Variants in ITGAD observed in about 807,000 individuals in gnomAD.
ITGAD encodes integrin subunit alpha D, also known as integrin alpha-D.
A neutral mutation model predicts 139.0 loss-of-function variants in ITGAD; 105 were observed. That is an observed-to-expected ratio of 0.76 (90% CI 0.65 to 0.89). ITGAD has a LOEUF of 0.89. Among genes scored for constraint, ITGAD ranks in the 40% least tolerant of loss-of-function variants. The pLI is 0.00. For missense variants in ITGAD, 1,384 were observed against 1,487.3 expected (o/e 0.93, Z 1.14); for synonymous variants, 569 against 598.3 (o/e 0.95, Z 0.71).
chr16:31,407,878 T>G lies in ITGAD; in HGVS notation c.971T>G (p.Ile324Ser). Residue 324 changes from isoleucine (I) to serine (S), a missense_variant, in exon 9 of 30, where the codon ATC (isoleucine) becomes AGC (serine). Ile to Ser is a moderately radical substitution (Grantham distance 142). Coordinates refer to ENST00000389202, the MANE Select transcript of ITGAD (RefSeq NM_005353.3). ...KVDNFAALGS[I>S]QKQLQEKIYA... Reference sequence around the variant, plus strand: ...GACAACTTTGCAGCCCTTGGCAGCATCCAGAAGCAGCTGCAGGAGAAGATC... The same window carrying G: ...GACAACTTTGCAGCCCTTGGCAGCAGCCAGAAGCAGCTGCAGGAGAAGATC... 6.3e-7 allele frequency: 1 copy of G among 1,598,752 alleles called. No individual in the cohort carries two copies. The highest frequency in any genetic ancestry group is 1.3e-5 in the African/African-American group (1 of 74,716).
At chr16:31,411,846 C>T (rs1038942724) in intron 14 of ITGAD, among the ~76,000 whole-genome samples, 3 of 152,224 alleles carry the variant, frequency 2.0e-5, no homozygotes, top group African/African-American at 7.2e-5. Flanking sequence ...ATAAAACCAA[C>T]TCCTTAGGCC....
intron 6 of ITGAD, chr16:31,402,615 G>GT: frequency 5.5e-6 from 1 of 181,196 alleles, no homozygotes; most frequent in Non-Finnish European, 1.2e-5. Flanking sequence ...CCACTGTTTT[G>GT]TTTTTTAAAC....
chr16:31,402,074 C>G, intron 5 of ITGAD, 41 bp from the exon 6 acceptor site: 1 of 1,598,886 alleles, frequency 6.3e-7, no homozygotes. Flanking sequence ...GGGGGTTGGG[C>G]CCCCGCAGTG....
At position 31,408,221 on chromosome 16, in the gene ITGAD, C is replaced by T. The variant is rs112489001; in HGVS notation, c.1010-204C>T. On this transcript the variant is annotated intron_variant, in intron 9 of 29. Transcript: ENST00000389202. The stretch of plus-strand genomic sequence containing the variant: ...TCCTGACCTCAGGTGATCCGCCAAC[C>T]TTAGCTTCTCAAAGTGCTGGGATTA... 4.9e-3 allele frequency among the ~76,000 whole-genome samples: 747 copies of T among 152,304 alleles called. 11 individuals carry two copies. The highest frequency in any genetic ancestry group is 0.017 in the African/African-American group (690 of 41,570).
At chr16:31,394,005 C>T (rs1395802571) in intron 1 of ITGAD, among the ~76,000 whole-genome samples, 1 of 151,722 alleles carries the variant, frequency 6.6e-6, no homozygotes, top group Admixed American at 6.6e-5. Flanking sequence ...GTGGCGTGCA[C>T]TTGTAATCCC....
chr16:31,394,279 T>C lies in ITGAD; in HGVS notation c.75T>C (p.Pro25=). The C allele has an allele frequency of 6.2e-7, 1 of 1,613,838 alleles. No individual in the cohort carries two copies. The highest frequency in any genetic ancestry group is 8.5e-7 in the Non-Finnish European group (1 of 1,179,866). Residue 25 remains proline, a synonymous_variant, in exon 2 of 30, where the codon CCT becomes CCC. Coordinates refer to ENST00000389202, the MANE Select transcript of ITGAD (RefSeq NM_005353.3). Reference sequence around the variant, plus strand: ...GATTCAACCTGGATGTGGAGGAGCCTACGATCTTCCAGGAGGATGCAGGCG... The same window carrying C: ...GATTCAACCTGGATGTGGAGGAGCCCACGATCTTCCAGGAGGATGCAGGCG... ...YHGFNLDVEE[P]TIFQEDAGGF...
At chr16:31,408,562 G>C in intron 10 of ITGAD, 64 bp downstream of exon 10, 1 of 1,444,046 alleles carries the variant, frequency 6.9e-7, no homozygotes, top group Non-Finnish European at 9.7e-7. Context: ...CCCTGGGCTG[G>C]GGGCTGGGAG....
Position 31,394,255 on chromosome 16 carries a change from A to G in ITGAD, c.51A>G (p.Gly17=), listed in dbSNP as rs2081211277. The G allele has an allele frequency of 6.2e-7, 1 of 1,613,440 alleles. No individual in the cohort carries two copies. Among genetic ancestry groups the G allele is most frequent in the Non-Finnish European group, 8.5e-7 (1 of 1,179,732 alleles). The change falls in exon 2 of 30, where the codon GGA becomes GGG. Residue 17 remains glycine (G), a synonymous_variant. Coordinates refer to ENST00000389202, the MANE Select transcript of ITGAD (RefSeq NM_005353.3). ...LLLSVLASYH[G]FNLDVEEPTI... ...CCTCAGTCCTGGCTTCTTATCATGG[A>G]TTCAACCTGGATGTGGAGGAGCCTA...
chr16:31,398,524 C>T (rs1031240405), intron 5 of ITGAD, among the ~76,000 whole-genome samples: 1 of 152,032 alleles, frequency 6.6e-6, no homozygotes, highest in Admixed American at 6.6e-5. Context: ...CTCTGTCGCC[C>T]AGGCTGGAGT....
Position 31,397,922 on chromosome 16 carries a change from C to G in ITGAD, c.427+13C>G. ...GACGCCACGCCAGGTAGGTCCCTGG[C>G]AGGCCATGGTTCCCTGTGGAGCACA... On this transcript the variant is annotated intron_variant, in intron 5 of 29. Transcript: ENST00000389202. 1 of 1,594,024 alleles carries G rather than the reference C, an allele frequency of 6.3e-7. No homozygotes were observed. Among genetic ancestry groups the G allele is most frequent in the Non-Finnish European group, 8.6e-7 (1 of 1,165,934 alleles).
At chr16:31,396,354 T>G (rs1385478256) in intron 2 of ITGAD, among the ~76,000 whole-genome samples, 1 of 152,128 alleles carries the variant, frequency 6.6e-6, no homozygotes, top group Non-Finnish European at 1.5e-5. Context: ...GTGCCTGTAA[T>G]CCCAGCTAGC....
At position 31,403,704 on chromosome 16, in the gene ITGAD, G is replaced by A; in HGVS notation, c.704+59G>A. On this transcript the variant is annotated intron_variant, in intron 7 of 29. Transcript: ENST00000389202. This position sits in a 1 kb window ranked among gnomAD's most constrained non-coding sequence, Gnocchi z 4.4. Reference sequence around the variant, plus strand: ...CTGCCACCCCCACTTCCTAACCCTGGGTCAGCACAGCTCTTCTCAGAGGCT... The same window carrying A: ...CTGCCACCCCCACTTCCTAACCCTGAGTCAGCACAGCTCTTCTCAGAGGCT... 2.5e-6 allele frequency: 4 copies of A among 1,598,628 alleles called. No homozygotes were observed. Among genetic ancestry groups the A allele is most frequent in the Non-Finnish European group, 3.4e-6 (4 of 1,168,076 alleles).
At chr16:31,398,504 C>CA (rs1400484518) in intron 5 of ITGAD, among the ~76,000 whole-genome samples, 1 of 151,314 alleles carries the variant, frequency 6.6e-6, no homozygotes, top group Non-Finnish European at 1.5e-5. Flanking sequence ...TTTTTTGAGA[C>CA]AGAGTCTTGC....
intron 2 of ITGAD, among the ~76,000 whole-genome samples, chr16:31,395,555 A>G (rs1414736843): frequency 6.6e-6 from 1 of 152,206 alleles, no homozygotes; most frequent in Non-Finnish European, 1.5e-5. Flanking sequence ...TACATAGCAA[A>G]TAAAAAACGT....
At chr16:31,417,715 C>A (rs113253736) in intron 20 of ITGAD, among the ~76,000 whole-genome samples, 5 of 152,064 alleles carry the variant, frequency 3.3e-5, no homozygotes, top group Non-Finnish European at 7.4e-5. Flanking sequence ...GAGGCCAAGG[C>A]GGGTGGATCA....
intron 16 of ITGAD, among the ~76,000 whole-genome samples, chr16:31,413,929 C>T (rs112473796): frequency 1.1e-4 from 17 of 152,180 alleles, no homozygotes; most frequent in African/African-American, 3.9e-4. Flanking sequence ...ACAGGAGAGC[C>T]TCCCCTCGCA....
chr16:31,397,136 G>A (rs1040230675), intron 2 of ITGAD, among the ~76,000 whole-genome samples: 2 of 132,778 alleles, frequency 1.5e-5, no homozygotes, highest in Admixed American at 8.5e-5. Flanking sequence ...ACACACATAC[G>A]TACTTATGCA....
At chr16:31,407,974 G>A in intron 9 of ITGAD, 58 bp downstream of exon 9, 2 of 1,496,232 alleles carry the variant, frequency 1.3e-6, no homozygotes, top group Admixed American at 2.3e-5. Flanking sequence ...ATTGTCCCGT[G>A]CAGGCTTTTT....
In ITGAD at chr16:31,397,345, G is replaced by T. The variant is rs373406111; in HGVS notation, c.138-14G>T. 2.6e-4 allele frequency: 405 copies of T among 1,567,526 alleles called. 3 individuals are homozygous for T. The Middle Eastern group carries it at 5.3e-3, about 20-fold the overall frequency. On this transcript the variant is annotated splice_polypyrimidine_tract_variant and intron_variant, in intron 2 of 29. Coordinates refer to ENST00000389202, the MANE Select transcript of ITGAD (RefSeq NM_005353.3). ...CCTGTGGCTGCAGTGACATGGCCAT[G>T]GTTGTGTCTCCAGACTCGTGGTGGG... is the stretch of plus-strand genomic sequence containing the variant.
Sources: gnomAD v4.1 joint callset for allele counts (sites outside exome capture counted in the v4.1 genomes callset) on GRCh38, gnomAD v4.1.1 for gene constraint, Gnocchi (gnomAD v3.1) non-coding constraint, MANE v1.5 for transcripts, NCBI Gene and HGNC (gene_info 2026-07-23, HGNC 2026-07-21) for gene names.